JCAD: variants seen among roughly 807,000 people sequenced by gnomAD.
The protein encoded by JCAD is junctional cadherin 5 associated, also known as junctional cadherin 5-associated protein.
In JCAD, 40 loss-of-function variants were observed where a neutral mutation model predicts 98.0. The observed-to-expected ratio is 0.41, with a 90% confidence interval of 0.32 to 0.53. JCAD has a LOEUF of 0.53. Among genes scored for constraint, JCAD ranks in the 20% least tolerant of loss-of-function variants. The probability of loss-of-function intolerance (pLI) is 0.31; values close to 1 mark genes in which losing one functional copy is unlikely to be tolerated. For synonymous variants in JCAD, 691 were observed against 682.3 expected (o/e 1.01, Z -0.20); for missense variants, 1,705 against 1,738.1 (o/e 0.98, Z 0.34).
intron 1 of JCAD, among the ~76,000 whole-genome samples, chr10:30,103,376 T>A (rs932828138): frequency 6.6e-6 from 1 of 152,188 alleles, no homozygotes; most frequent in African/African-American, 2.4e-5. Context: ...AAAAGTAGAA[T>A]TATCATATGA....
Position 30,027,624 on chromosome 10 carries a change from G to C in JCAD, c.2524C>G (p.Leu842Val). 1 of 1,614,212 alleles carries C rather than the reference G, an allele frequency of 6.2e-7. No individual in the cohort carries two copies. Among genetic ancestry groups the C allele is most frequent in the Admixed American group, 1.7e-5 (1 of 60,022 alleles). ...ISQLESFNKE[L>V]QEEEESSSSS... The stretch of plus-strand genomic sequence containing the variant: ...CTGCTGCTTTCTTCCTCTTCCTGGA[G>C]CTCCTTGTTAAAACTTTCTAACTGA... Residue 842 changes from leucine to valine, a missense_variant, in exon 3 of 4, where the codon CTC becomes GTC. Coordinates refer to ENST00000375377, the MANE Select transcript of JCAD (RefSeq NM_020848.4).
In JCAD at chr10:30,048,787, C is replaced by T. The variant is rs150757753; in HGVS notation, c.-59-916G>A. Among the ~76,000 whole-genome samples, 215 of 152,152 alleles carry T rather than the reference C, an allele frequency of 1.4e-3. 2 individuals are homozygous for T. The highest frequency in any genetic ancestry group is 4.9e-3 in the African/African-American group (205 of 41,520). ...TTCACCATGTTGGCCAGGCTGGTCT[C>T]GAACTCCTAAACTCAGGTAATCCAC... On this transcript the variant is annotated intron_variant, in intron 1 of 3. Transcript: ENST00000375377.
intron 1 of JCAD, among the ~76,000 whole-genome samples, chr10:30,057,797 A>G (rs970999269): frequency 2.0e-5 from 3 of 152,238 alleles, no homozygotes; most frequent in African/African-American, 7.2e-5. Context: ...GAAGCTTGTT[A>G]AGCTGGTGAC....
At chr10:30,056,642 G>A (rs1837574852) in intron 1 of JCAD, among the ~76,000 whole-genome samples, 2 of 151,652 alleles carry the variant, frequency 1.3e-5, no homozygotes, top group South Asian at 4.2e-4. Context: ...CAACCAATAA[G>A]CCCAAAACTA....
intron 2 of JCAD, 135 bp downstream of exon 2, chr10:30,047,397 A>C (rs1044871428): frequency 9.2e-7 from 1 of 1,082,482 alleles, no homozygotes; most frequent in Admixed American, 2.7e-5. Context: ...AAAGCAAAAA[A>C]AGTGTTCTTG....
intron 1 of JCAD, among the ~76,000 whole-genome samples, chr10:30,078,619 G>A (rs1838021308): frequency 6.6e-6 from 1 of 152,170 alleles, no homozygotes; most frequent in Non-Finnish European, 1.5e-5. Flanking sequence ...AATTATACCT[G>A]TGATAGAAAG....
chr10:30,038,350 G>A (rs1046532296), intron 2 of JCAD, among the ~76,000 whole-genome samples: 3 of 152,074 alleles, frequency 2.0e-5, no homozygotes, highest in East Asian at 3.9e-4. Flanking sequence ...GCAAGGGGGC[G>A]CCTCATTGAT....
chr10:30,074,688 C>A (rs1306255959), intron 1 of JCAD, among the ~76,000 whole-genome samples: 1 of 152,234 alleles, frequency 6.6e-6, no homozygotes, highest in Non-Finnish European at 1.5e-5. Context: ...GTAAAGGAGA[C>A]CATGAGGCCT....
chr10:30,023,913 G>A (rs1192913536), intron 3 of JCAD, among the ~76,000 whole-genome samples: 2 of 152,122 alleles, frequency 1.3e-5, no homozygotes, highest in Non-Finnish European at 2.9e-5. Context: ...ATACTCCCTA[G>A]ACTGGGCACC....
At chr10:30,079,208 G>C (rs949785075) in intron 1 of JCAD, among the ~76,000 whole-genome samples, 1 of 152,064 alleles carries the variant, frequency 6.6e-6, no homozygotes, top group African/African-American at 2.4e-5. Context: ...TTAGCCGGGC[G>C]TGGTGGCCGG....
chr10:30,068,111 G>A (rs1402228845), intron 2 of JCAD, among the ~76,000 whole-genome samples: 3 of 152,234 alleles, frequency 2.0e-5, no homozygotes, highest in South Asian at 4.1e-4. Context: ...ATGTACGGCC[G>A]GGTGCGGTGG....
rs892499845 is a variant in JCAD, at chr10:30,059,208, C to G, written c.-60+274G>C. 4.6e-5 allele frequency among the ~76,000 whole-genome samples: 7 copies of G among 151,450 alleles called. No individual in the cohort carries two copies. Among genetic ancestry groups the G allele is most frequent in the Admixed American group, 1.3e-4 (2 of 15,212 alleles). On this transcript the variant is annotated intron_variant, in intron 1 of 3. Transcript: ENST00000375377. The surrounding 1 kb of genome is among the most constrained non-coding windows in gnomAD (Gnocchi z 5.0). ...TGCCCGCCCCGGGACCCCCGCGCTC[C>G]GAGCGGGGCACCTGAGGGGAGGGGA...
rs142708021 is a variant in JCAD, at chr10:30,033,228, C to T, written c.282-3362G>A. Among the ~76,000 whole-genome samples, 251 of 152,292 alleles carry T rather than the reference C, an allele frequency of 1.6e-3. 2 individuals carry two copies. Among genetic ancestry groups the T allele is most frequent in the African/African-American group, 5.3e-3 (219 of 41,558 alleles). ...TTTACTTCTTCCAGTGTAATGAAAA[C>T]GCCCTCAGGTGCTTAATGTTCATGG... On this transcript the variant is annotated intron_variant, in intron 2 of 3. Transcript: ENST00000375377.
At chr10:30,105,647 A>G (rs1838562823) in intron 1 of JCAD, among the ~76,000 whole-genome samples, 1 of 151,938 alleles carries the variant, frequency 6.6e-6, no homozygotes, top group Non-Finnish European at 1.5e-5. Flanking sequence ...TCTAGTCCAA[A>G]TCCTCAGTTT....
At chr10:30,041,411 T>A (rs965252712) in intron 2 of JCAD, among the ~76,000 whole-genome samples, 1 of 152,188 alleles carries the variant, frequency 6.6e-6, no homozygotes, top group African/African-American at 2.4e-5. Flanking sequence ...AAGAGGAACA[T>A]AGAAACAGAT....
chr10:30,097,331 G>C (rs767890305), intron 1 of JCAD, among the ~76,000 whole-genome samples: 31 of 152,174 alleles, frequency 2.0e-4, no homozygotes, highest in Non-Finnish European at 3.5e-4. Context: ...GTATTAGTGG[G>C]ACAAAGGAGG....
In JCAD at chr10:30,028,696, C is replaced by G; in HGVS notation, c.1452G>C (p.Ser484=). 6.2e-7 allele frequency: 1 copy of G among 1,610,438 alleles called. No homozygotes were observed. The highest frequency in any genetic ancestry group is 2.2e-5 in the East Asian group (1 of 44,832). Residue 484 remains serine, a synonymous_variant, in exon 3 of 4, where the codon TCG becomes TCC. Transcript: ENST00000375377. ...IWNPQSLIPP[S]GDERGLVLAD... is the part of the protein sequence containing the mutation. The stretch of plus-strand genomic sequence containing the variant: ...CCAAGACCAGGCCTCTCTCATCCCC[C>G]GACGGGGGTATTAAGCTCTGTGGAT...
intron 2 of JCAD, among the ~76,000 whole-genome samples, chr10:30,030,878 A>C (rs1451489174): frequency 6.6e-6 from 1 of 151,140 alleles, no homozygotes; most frequent in Admixed American, 6.6e-5. Flanking sequence ...ATTACATTAC[A>C]ATCTTAAGAC....
At position 30,016,746 on chromosome 10, in the gene JCAD, T is replaced by G. The variant is rs1371009815; in HGVS notation, c.*1137A>C. 1 of 152,206 alleles carries G rather than the reference T, an allele frequency of 6.6e-6. No individual in the cohort carries two copies. The highest frequency in any genetic ancestry group is 1.5e-5 in the Non-Finnish European group (1 of 68,026). 9.4% of individuals were successfully genotyped at this position (152,206 alleles called of 1,614,324 possible). ...ATAAAACTATGTTTTTTGGTAATTC[T>G]AGTTGATACGGCAGCAAAAATTGTC... On this transcript the variant is annotated 3_prime_UTR_variant, in exon 4 of 4. Transcript: ENST00000375377.
Sources: gnomAD v4.1 joint callset for allele counts (sites outside exome capture counted in the v4.1 genomes callset) on GRCh38, gnomAD v4.1.1 for gene constraint, Gnocchi (gnomAD v3.1) non-coding constraint, MANE v1.5 for transcripts, NCBI Gene and HGNC (gene_info 2026-07-23, HGNC 2026-07-21) for gene names.